Variants in NREP observed in about 807,000 individuals in gnomAD.
NREP encodes neuronal regeneration-related protein.
A neutral mutation model predicts 8.6 loss-of-function variants in NREP; 5 were observed. The observed-to-expected ratio is 0.58, with a 90% CI of 0.30 to 1.22. The LOEUF is 1.22. Ranked by LOEUF, NREP falls within the 50% of genes most tolerant of loss-of-function variation. The pLI, the probability that NREP is intolerant of heterozygous loss-of-function variation, is 0.07. For missense variants in NREP, 86 were observed against 82.5 expected (o/e 1.04, Z -0.17); for synonymous variants, 27 against 28.0 (o/e 0.96, Z 0.11).
chr5:111,744,628 G>GGCTTGGCT (rs1202317346), intron 2 of NREP, among the ~76,000 whole-genome samples: 1 of 152,076 alleles, frequency 6.6e-6, no homozygotes, highest in African/African-American at 2.4e-5. Flanking sequence ...GTCTGATTAA[G>GGCTTGGCT]TAGAGGGCTT....
At chr5:111,924,220 T>G (rs1755322117) in intron 2 of NREP, among the ~76,000 whole-genome samples, 1 of 152,180 alleles carries the variant, frequency 6.6e-6, no homozygotes, top group Non-Finnish European at 1.5e-5. Context: ...GAGAAGGGCC[T>G]TGGTGCCTTC....
intron 2 of NREP, among the ~76,000 whole-genome samples, chr5:111,892,790 G>C (rs1477711610): frequency 6.6e-6 from 1 of 151,950 alleles, no homozygotes; most frequent in East Asian, 1.9e-4. Flanking sequence ...TAGTGCCACA[G>C]GGCAGCCATT....
chr5:111,786,281 T>C (rs2112888474), intron 2 of NREP, among the ~76,000 whole-genome samples: 1 of 152,298 alleles, frequency 6.6e-6, no homozygotes. Flanking sequence ...TCCTCTAGGA[T>C]TGTAACTTTC....
upstream of NREP, chr5:111,757,638 G>T (rs1007290917): frequency 2.0e-6 from 2 of 982,834 alleles, no homozygotes; most frequent in African/African-American, 3.5e-5. Context: ...CCGCACCCGC[G>T]CCCCGGGCGC....
At chr5:111,825,470 G>C (rs1260070402) in intron 2 of NREP, among the ~76,000 whole-genome samples, 5 of 152,086 alleles carry the variant, frequency 3.3e-5, no homozygotes, top group Non-Finnish European at 7.3e-5. Flanking sequence ...TCTCTTTCTA[G>C]AATACACTAA....
chr5:111,882,767 A>G (rs1754120118), intron 2 of NREP, among the ~76,000 whole-genome samples: 1 of 152,176 alleles, frequency 6.6e-6, no homozygotes, highest in Non-Finnish European at 1.5e-5. Context: ...TTTACAGACA[A>G]GCAAATGCTG....
chr5:111,875,156 G>A (rs1006384757), intron 2 of NREP, among the ~76,000 whole-genome samples: 3 of 152,074 alleles, frequency 2.0e-5, no homozygotes, highest in Non-Finnish European at 2.9e-5. Flanking sequence ...TTTACCAAAA[G>A]CGATTTTTTC....
At chr5:111,822,175 C>G (rs1444578880) in intron 2 of NREP, among the ~76,000 whole-genome samples, 1 of 152,118 alleles carries the variant, frequency 6.6e-6, no homozygotes, top group African/African-American at 2.4e-5. Flanking sequence ...ATATGGAAAT[C>G]AAGTCTTTGA....
chr5:111,778,093 G>A (rs1361970886), intron 2 of NREP, among the ~76,000 whole-genome samples: 1 of 152,158 alleles, frequency 6.6e-6, no homozygotes, highest in East Asian at 1.9e-4. Flanking sequence ...ATTTAGTACA[G>A]AACAATTTAA....
intron 2 of NREP, among the ~76,000 whole-genome samples, chr5:111,749,654 G>A (rs1750228513): frequency 6.6e-6 from 1 of 152,148 alleles, no homozygotes; most frequent in African/African-American, 2.4e-5. Context: ...GTACATGGGG[G>A]TGCAACTGAT....
At chr5:111,878,325 A>C (rs1753960603) in intron 2 of NREP, among the ~76,000 whole-genome samples, 1 of 152,238 alleles carries the variant, frequency 6.6e-6, no homozygotes, top group South Asian at 2.1e-4. Flanking sequence ...AGGCCTCAGG[A>C]AACTTGTAAT....
intron 2 of NREP, among the ~76,000 whole-genome samples, chr5:111,878,012 C>T (rs931464689): frequency 1.4e-4 from 22 of 152,296 alleles, no homozygotes; most frequent in African/African-American, 3.8e-4. Context: ...ACAGTTTAAA[C>T]GGTGGGTAAC....
At chr5:111,850,587 T>C (rs1244160515) in intron 2 of NREP, among the ~76,000 whole-genome samples, 1 of 152,108 alleles carries the variant, frequency 6.6e-6, no homozygotes, top group Non-Finnish European at 1.5e-5. Flanking sequence ...ACTGCCTCCC[T>C]TCCCTTCATC....
intron 2 of NREP, among the ~76,000 whole-genome samples, chr5:111,808,599 G>A (rs908573324): frequency 2.0e-5 from 3 of 152,132 alleles, no homozygotes; most frequent in Non-Finnish European, 4.4e-5. Context: ...TCCTGGAACT[G>A]AGCCTCTTAC....
intron 2 of NREP, among the ~76,000 whole-genome samples, chr5:111,937,775 C>T (rs1755723818): frequency 6.6e-6 from 1 of 152,024 alleles, no homozygotes; most frequent in Non-Finnish European, 1.5e-5. Context: ...CTCTTCCTGT[C>T]CCACCAGGTA....
chr5:111,743,937 A>T (rs1561640664), intron 2 of NREP, among the ~76,000 whole-genome samples: 1 of 152,170 alleles, frequency 6.6e-6, no homozygotes, highest in Non-Finnish European at 1.5e-5. Flanking sequence ...ACATGAAAGA[A>T]TAATTATTCA....
intron 2 of NREP, among the ~76,000 whole-genome samples, chr5:111,908,900 A>T (rs898739666): frequency 1.3e-5 from 2 of 151,852 alleles, no homozygotes; most frequent in Admixed American, 6.6e-5. Flanking sequence ...TGTTTTTCTA[A>T]CTTTTTAATA....
At chr5:111,913,308 T>C (rs1754965184) in intron 2 of NREP, among the ~76,000 whole-genome samples, 1 of 152,124 alleles carries the variant, frequency 6.6e-6, no homozygotes, top group Non-Finnish European at 1.5e-5. Flanking sequence ...TTATAAAATA[T>C]CCTTCTAAAA....
intron 2 of NREP, among the ~76,000 whole-genome samples, chr5:111,955,053 T>C (rs1388520801): frequency 1.3e-5 from 2 of 152,180 alleles, no homozygotes; most frequent in Admixed American, 6.5e-5. Flanking sequence ...GCCTGGTTGT[T>C]TGTTTTCACT....
Sources: allele counts gnomAD v4.1 joint callset (sites outside exome capture counted in the v4.1 genomes callset), GRCh38; gene constraint gnomAD v4.1.1; transcripts MANE v1.5; gene names NCBI Gene and HGNC (gene_info 2026-07-23, HGNC 2026-07-21).